The following TET3 variants were observed in gnomAD, a reference collection of about 807,000 sequenced individuals.
The protein encoded by TET3 is methylcytosine dioxygenase TET3.
In TET3, 19 loss-of-function variants were observed where a neutral mutation model predicts 141.4. That is an observed-to-expected ratio of 0.13 (90% CI 0.09 to 0.20). The LOEUF (loss-of-function observed/expected upper bound fraction) is 0.20, where lower values mean the gene tolerates loss of function less well. TET3 is among the 10% of genes least tolerant of loss of function. The pLI, the probability that TET3 is intolerant of heterozygous loss-of-function variation, is 1.00. For missense variants in TET3, 1,874 were observed against 2,356.9 expected (o/e 0.80, Z 4.24); for synonymous variants, 1,043 against 980.9 (o/e 1.06, Z -1.18).
At chr2:74,012,554 G>A (rs1056472772) in intron 3 of TET3, among the ~76,000 whole-genome samples, 2 of 152,214 alleles carry the variant, frequency 1.3e-5, no homozygotes, top group Admixed American at 1.3e-4. Flanking sequence ...AGCTTGACCA[G>A]AGGTTGATGT....
chr2:74,036,045 G>A (rs767078265), intron 3 of TET3, among the ~76,000 whole-genome samples: 1 of 152,158 alleles, frequency 6.6e-6, no homozygotes, highest in Non-Finnish European at 1.5e-5. Flanking sequence ...AACCCCGTCG[G>A]CACTTGGTAT....
chr2:74,007,658 C>G (rs923438016), intron 3 of TET3, among the ~76,000 whole-genome samples: 1 of 152,172 alleles, frequency 6.6e-6, no homozygotes, highest in Non-Finnish European at 1.5e-5. Context: ...ACTCTGTTTT[C>G]TACTCTACTC....
chr2:74,064,815 AAT>A (rs1375247686), intron 4 of TET3, among the ~76,000 whole-genome samples: 8 of 152,350 alleles, frequency 5.3e-5, no homozygotes, highest in Admixed American at 2.6e-4. Context: ...ATAAATGGTA[AAT>A]ATGTCACAAA....
chr2:74,056,838 T>A (rs951355911), intron 4 of TET3, among the ~76,000 whole-genome samples: 4 of 152,214 alleles, frequency 2.6e-5, no homozygotes, highest in Admixed American at 2.0e-4. Flanking sequence ...AAGGTCTCTC[T>A]GCCACTTTGA....
At chr2:74,067,243 T>C (rs186004974) in intron 4 of TET3, among the ~76,000 whole-genome samples, 150 of 152,376 alleles carry the variant, frequency 9.8e-4, no homozygotes, top group African/African-American at 3.5e-3. Flanking sequence ...TACTCATTCA[T>C]GAAATGTTTA....
intron 3 of TET3, among the ~76,000 whole-genome samples, chr2:74,040,243 A>C (rs1369579281): frequency 6.6e-6 from 1 of 151,946 alleles, no homozygotes; most frequent in Non-Finnish European, 1.5e-5. Flanking sequence ...GTGTGTGTGC[A>C]TGCACACATA....
At chr2:74,027,375 T>C (rs572396353) in intron 3 of TET3, among the ~76,000 whole-genome samples, 9 of 151,030 alleles carry the variant, frequency 6.0e-5, no homozygotes, top group Admixed American at 4.6e-4. Context: ...TTTATTGAGA[T>C]ATAAATCATA....
intron 8 of TET3, among the ~76,000 whole-genome samples, chr2:74,090,695 T>G (rs1558785304): frequency 6.6e-6 from 1 of 152,228 alleles, no homozygotes; most frequent in Non-Finnish European, 1.5e-5. Context: ...GCCCTCAGGC[T>G]GTGGGGGCCG....
At chr2:74,097,950 T>C (rs915313486) in intron 10 of TET3, among the ~76,000 whole-genome samples, 1 of 152,036 alleles carries the variant, frequency 6.6e-6, no homozygotes, top group African/African-American at 2.4e-5. Context: ...GCATCAAAAA[T>C]ATAGAAAATA....
At chr2:74,075,201 GA>G (rs1336579476) in intron 5 of TET3, among the ~76,000 whole-genome samples, 13 of 151,886 alleles carry the variant, frequency 8.6e-5, no homozygotes, top group Non-Finnish European at 1.5e-5. Flanking sequence ...AAGCTAAGAT[GA>G]TGTAGACATA....
intron 10 of TET3, among the ~76,000 whole-genome samples, chr2:74,098,596 CTTT>C (rs11343259): frequency 2.2e-5 from 3 of 139,378 alleles, no homozygotes; most frequent in Non-Finnish European, 4.7e-5. Flanking sequence ...AAAGGAAACT[CTTT>C]TTTTTTTTTT....
chr2:74,078,198 G>A lies in TET3; in HGVS notation c.2586-2300G>A, dbSNP rs181273917. On this transcript the variant is annotated intron_variant, in intron 5 of 11. Transcript: ENST00000409262. ...AGAGCTTGTTTTAAAAAATTAATTC[G>A]TTAATTAAAAAAAAATTATAAACTG... is the stretch of plus-strand genomic sequence containing the variant. Among the ~76,000 whole-genome samples, 743 of 151,722 alleles carry A rather than the reference G, an allele frequency of 4.9e-3. 8 individuals carry two copies. Among genetic ancestry groups the A allele is most frequent in the African/African-American group, 0.017 (717 of 41,362 alleles).
chr2:74,080,591 G>C lies in TET3; in HGVS notation c.2679G>C (p.Trp893Cys). The C allele has an allele frequency of 1.2e-6, 2 of 1,609,634 alleles. No individual in the cohort carries two copies. The highest frequency in any genetic ancestry group is 1.7e-6 in the Non-Finnish European group (2 of 1,178,130). The change falls in exon 6 of 12, where the codon TGG becomes TGC. Residue 893 changes from tryptophan to cysteine, a missense_variant and splice_region_variant. This residue lies in a region of TET3 where 126 missense variants were observed against 327.4 expected (regional missense o/e 0.38). Coordinates refer to ENST00000409262, the MANE Select transcript of TET3 (RefSeq NM_001287491.2). ...KSSRGCPIAK[W>C]VIRRHTLEEK... ...CCCGCGGTTGCCCCATTGCAAAGTG[G>C]GTGAGTGTTGAGCCCACTCAAGAGC...
intron 3 of TET3, among the ~76,000 whole-genome samples, chr2:74,014,647 G>T (rs897037267): frequency 6.6e-6 from 1 of 152,110 alleles, no homozygotes; most frequent in African/African-American, 2.4e-5. Flanking sequence ...GGAAGTTTTG[G>T]TAGTATTTAG....
chr2:74,115,072 G>C, the TET3 span, among the ~76,000 whole-genome samples: 1 of 151,790 alleles, frequency 6.6e-6, no homozygotes, highest in Non-Finnish European at 1.5e-5. Context: ...GACCTCAAAA[G>C]CACAGGCAAT....
intron 4 of TET3, among the ~76,000 whole-genome samples, chr2:74,065,111 T>G: frequency 6.6e-6 from 1 of 152,332 alleles, no homozygotes; most frequent in South Asian, 2.1e-4. Context: ...TCAATGAATA[T>G]GAGATAAAAA....
At chr2:74,049,384 C>T (rs1687820279) in intron 4 of TET3, among the ~76,000 whole-genome samples, 1 of 152,076 alleles carries the variant, frequency 6.6e-6, no homozygotes, top group Non-Finnish European at 1.5e-5. Flanking sequence ...GAGTTGAGTC[C>T]ACTTCTAAGC....
At chr2:74,085,513 C>T (rs1489685365) in intron 6 of TET3, among the ~76,000 whole-genome samples, 1 of 152,244 alleles carries the variant, frequency 6.6e-6, no homozygotes, top group Non-Finnish European at 1.5e-5. Flanking sequence ...TTAGAGACCA[C>T]TCAGGTGCTC....
chr2:73,984,599 C>T (rs1301679255), upstream of TET3, among the ~76,000 whole-genome samples: 1 of 151,954 alleles, frequency 6.6e-6, no homozygotes, highest in Non-Finnish European at 1.5e-5. The surrounding 1 kb of genome is among the most constrained non-coding windows in gnomAD (Gnocchi z 5.6). Flanking sequence ...CCCCACCCCG[C>T]CTCGCCGGCC....
Sources: gnomAD v4.1 joint callset for allele counts (sites outside exome capture counted in the v4.1 genomes callset) on GRCh38, gnomAD v4.1.1 for gene constraint, gnomAD v4.1.1 regional missense constraint, Gnocchi (gnomAD v3.1) non-coding constraint, MANE v1.5 for transcripts, NCBI Gene and HGNC (gene_info 2026-07-23, HGNC 2026-07-21) for gene names.